FCHSD2: variants seen among roughly 807,000 people sequenced by gnomAD.
FCHSD2 encodes FCH and double SH3 domains 2.
FCHSD2 carries 38 observed loss-of-function variants against 108.1 expected under a neutral mutation model. The observed-to-expected ratio is 0.35, with a 90% CI of 0.27 to 0.46. The LOEUF (loss-of-function observed/expected upper bound fraction) is 0.46. Among genes scored for constraint, FCHSD2 ranks in the 20% least tolerant of loss-of-function variants. The probability of loss-of-function intolerance (pLI) is 1.00; values close to 1 mark genes in which losing one functional copy is unlikely to be tolerated. For synonymous variants in FCHSD2, 279 were observed against 314.7 expected, an observed-to-expected ratio of 0.89 and a Z score of 1.20; for missense variants, 751 against 897.8, an observed-to-expected ratio of 0.84 and a Z score of 2.09.
At chr11:73,077,877 A>C (rs1259627700) in intron 3 of FCHSD2, among the ~76,000 whole-genome samples, 1 of 152,178 alleles carries the variant, frequency 6.6e-6, no homozygotes, top group African/African-American at 2.4e-5. Flanking sequence ...TCAAATTATA[A>C]ATTGTGTGGC....
chr11:73,071,287 T>C (rs907007624), intron 3 of FCHSD2, among the ~76,000 whole-genome samples: 8 of 152,196 alleles, frequency 5.3e-5, no homozygotes, highest in Non-Finnish European at 8.8e-5. Flanking sequence ...ATGGAGGCTG[T>C]TGAAAATAAT....
chr11:73,020,222 A>C (rs1274731235), intron 3 of FCHSD2, among the ~76,000 whole-genome samples: 1 of 152,214 alleles, frequency 6.6e-6, no homozygotes, highest in Non-Finnish European at 1.5e-5. Flanking sequence ...AAGAAACACA[A>C]AGAGAGCCAC....
At chr11:72,884,927 T>G (rs965203491) in intron 12 of FCHSD2, among the ~76,000 whole-genome samples, 55 of 152,258 alleles carry the variant, frequency 3.6e-4, no homozygotes, top group African/African-American at 1.3e-3. Context: ...GGGTCACTCT[T>G]GTCATTAACT....
chr11:73,022,037 T>C (rs950281717), intron 3 of FCHSD2, among the ~76,000 whole-genome samples: 9 of 152,276 alleles, frequency 5.9e-5, no homozygotes, highest in Admixed American at 3.9e-4. Flanking sequence ...AAGGCTGCAG[T>C]GAGCCATGAC....
chr11:72,999,349 T>A, intron 5 of FCHSD2, among the ~76,000 whole-genome samples: 1 of 142,402 alleles, frequency 7.0e-6, no homozygotes, highest in Non-Finnish European at 1.5e-5. Flanking sequence ...AGATAGAGTC[T>A]CACTCTGTCA....
chr11:72,992,577 C>A lies in FCHSD2; in HGVS notation c.388-3480G>T, dbSNP rs376854635. Among the ~76,000 whole-genome samples, 891 of 152,112 alleles carry A rather than the reference C, an allele frequency of 5.9e-3. 7 individuals are homozygous for A. The highest frequency in any genetic ancestry group is 0.015 in the Admixed American group (227 of 15,282). On this transcript the variant is annotated intron_variant, in intron 5 of 19. Transcript: ENST00000409418. Reference sequence around the variant, plus strand: ...AAACAGAGATATAGACCAATGGAACCGAACAGAGCCCTCAGAAATAATGCC... The same window carrying A: ...AAACAGAGATATAGACCAATGGAACAGAACAGAGCCCTCAGAAATAATGCC...
At chr11:72,947,492 C>T (rs546404971) in intron 8 of FCHSD2, among the ~76,000 whole-genome samples, 1 of 152,190 alleles carries the variant, frequency 6.6e-6, no homozygotes, top group Admixed American at 6.5e-5. Context: ...TAGGAATTGA[C>T]CACAAGATCT....
chr11:73,072,293 A>G (rs1859455726), intron 3 of FCHSD2, among the ~76,000 whole-genome samples: 1 of 151,980 alleles, frequency 6.6e-6, no homozygotes. Context: ...CCTTTACGAG[A>G]TGTGCTACCG....
At chr11:72,852,919 A>C (rs544340785) in intron 13 of FCHSD2, among the ~76,000 whole-genome samples, 8 of 152,234 alleles carry the variant, frequency 5.3e-5, no homozygotes, top group Non-Finnish European at 1.0e-4. Context: ...TGTTCTCACT[A>C]ATAAGTGGGA....
At chr11:73,087,334 AG>A (rs1859842403) in intron 2 of FCHSD2, among the ~76,000 whole-genome samples, 1 of 152,192 alleles carries the variant, frequency 6.6e-6, no homozygotes, top group South Asian at 2.1e-4. Context: ...AAGTCAAAAA[AG>A]TTTTTTTTTT....
intron 3 of FCHSD2, among the ~76,000 whole-genome samples, chr11:73,043,069 G>T (rs370022558): frequency 1.3e-5 from 2 of 152,052 alleles, no homozygotes; most frequent in East Asian, 3.9e-4. Context: ...TGATGCTCTG[G>T]CTAGAACTTC....
chr11:72,963,632 G>A (rs998045032), intron 8 of FCHSD2, among the ~76,000 whole-genome samples: 1 of 152,186 alleles, frequency 6.6e-6, no homozygotes, highest in Non-Finnish European at 1.5e-5. Context: ...GATGGGTAGG[G>A]TGGGGTGGTT....
intron 9 of FCHSD2, among the ~76,000 whole-genome samples, chr11:72,914,520 T>C (rs1169397980): frequency 2.0e-5 from 3 of 152,132 alleles, no homozygotes; most frequent in Admixed American, 1.3e-4. Flanking sequence ...CCAAACAGCA[T>C]GGTACTAGTA....
Position 73,095,471 on chromosome 11 carries a change from C to T in FCHSD2, c.120-11731G>A, listed in dbSNP as rs74565092. Among the ~76,000 whole-genome samples the T allele has an allele frequency of 8.4e-3, 1,282 of 152,286 alleles. 7 individuals carry two copies. The highest frequency in any genetic ancestry group is 0.015 in the Non-Finnish European group (998 of 68,018). ...ATAACAAAGTCAGACTCTCCCCTCT[C>T]CTCCAGTCAGAAATCACCCAAAAGA... is the stretch of plus-strand genomic sequence containing the variant. On this transcript the variant is annotated intron_variant, in intron 2 of 19. Transcript: ENST00000409418.
intron 8 of FCHSD2, among the ~76,000 whole-genome samples, chr11:72,952,653 T>C (rs1323980210): frequency 6.6e-6 from 1 of 152,142 alleles, no homozygotes; most frequent in Non-Finnish European, 1.5e-5. Flanking sequence ...GAAAATTTGG[T>C]TAAGATACAT....
chr11:72,985,357 CA>C (rs35241897), intron 6 of FCHSD2, among the ~76,000 whole-genome samples: 2,487 of 47,404 alleles, frequency 0.052, 18 homozygotes, highest in African/African-American at 0.074. Flanking sequence ...CCAGAATGAC[CA>C]AAAAAAAAAA....
At chr11:72,914,564 GA>G (rs1855832431) in intron 9 of FCHSD2, among the ~76,000 whole-genome samples, 1 of 152,144 alleles carries the variant, frequency 6.6e-6, no homozygotes, top group South Asian at 2.1e-4. Context: ...ACAGAATAGA[GA>G]ACCCAGAAAT....
At chr11:72,896,619 T>C (rs551643095) in intron 10 of FCHSD2, among the ~76,000 whole-genome samples, 1 of 152,018 alleles carries the variant, frequency 6.6e-6, no homozygotes, top group Admixed American at 6.6e-5. Flanking sequence ...AGAACAAAAG[T>C]CCCAAGGGAC....
At chr11:72,883,199 C>A (rs1170032805) in intron 12 of FCHSD2, among the ~76,000 whole-genome samples, 1 of 152,116 alleles carries the variant, frequency 6.6e-6, no homozygotes, top group African/African-American at 2.4e-5. Context: ...GGACCACAGT[C>A]CACAAAGAAA....
Sources: allele counts gnomAD v4.1 joint callset (sites outside exome capture counted in the v4.1 genomes callset), GRCh38; gene constraint gnomAD v4.1.1; transcripts MANE v1.5; gene names NCBI Gene and HGNC (gene_info 2026-07-23, HGNC 2026-07-21).